The following ARMC10 variants were observed in gnomAD, a reference collection of about 807,000 sequenced individuals.
ARMC10 encodes the protein armadillo repeat-containing protein 10.
In ARMC10, 23 loss-of-function variants were observed where a neutral mutation model predicts 30.2. The observed-to-expected ratio is 0.76, with a 90% CI of 0.55 to 1.08. The LOEUF (loss-of-function observed/expected upper bound fraction) is 1.08. ARMC10 is among the 50% of genes least tolerant of loss of function. The pLI is 0.00. For missense variants in ARMC10, 303 were observed against 413.7 expected (o/e 0.73, Z 2.32); for synonymous variants, 111 against 164.4 (o/e 0.68, Z 2.48).
At chr7:103,078,481 C>T (rs1800093522) in intron 2 of ARMC10, among the ~76,000 whole-genome samples, 2 of 152,312 alleles carry the variant, frequency 1.3e-5, no homozygotes, top group South Asian at 4.1e-4. Flanking sequence ...GTGTTTGCTT[C>T]CCCTTCCACC....
intron 2 of ARMC10, among the ~76,000 whole-genome samples, chr7:103,080,570 T>C (rs1229955071): frequency 6.6e-6 from 1 of 151,596 alleles, no homozygotes; most frequent in Non-Finnish European, 1.5e-5. Context: ...ATGGTTTTTA[T>C]TAGAAATTCA....
At chr7:103,093,962 T>C (rs1214092058) in intron 5 of ARMC10, among the ~76,000 whole-genome samples, 1 of 152,252 alleles carries the variant, frequency 6.6e-6, no homozygotes, top group African/African-American at 2.4e-5. Context: ...ATTTCTAGGA[T>C]AGAAAATTTG....
chr7:103,092,414 G>A, intron 4 of ARMC10, 63 bp from the exon 5 acceptor site: 3 of 1,268,038 alleles, frequency 2.4e-6, no homozygotes, highest in Admixed American at 1.9e-5. Context: ...GTGCAGAAAA[G>A]TGGCTGTTCA....
chr7:103,085,837 C>T (rs1195826731), intron 3 of ARMC10, among the ~76,000 whole-genome samples: 2 of 151,912 alleles, frequency 1.3e-5, no homozygotes, highest in Admixed American at 6.6e-5. Flanking sequence ...CTGGTCTCTA[C>T]CTCCTCACCT....
At chr7:103,090,163 T>C (rs1198315395) in intron 4 of ARMC10, among the ~76,000 whole-genome samples, 1 of 152,208 alleles carries the variant, frequency 6.6e-6, no homozygotes, top group Non-Finnish European at 1.5e-5. Context: ...AGCTGGTCCA[T>C]TTGGTAATCT....
At chr7:103,088,592 T>C (rs1370435729) in intron 4 of ARMC10, 2 of 162,098 alleles carry the variant, frequency 1.2e-5, no homozygotes, top group Admixed American at 6.3e-5. Context: ...AAATGAATGT[T>C]AATTAAACAA....
Position 103,098,680 on chromosome 7 carries a change from A to G in ARMC10, c.*127A>G, listed in dbSNP as rs10233912. The G allele has an allele frequency of 1.4e-6, 2 of 1,437,932 alleles. No homozygotes were observed. Among genetic ancestry groups the G allele is most frequent in the Non-Finnish European group, 9.2e-7 (1 of 1,084,924 alleles). 89.1% of individuals were successfully genotyped at this position (1,437,932 alleles called of 1,614,324 possible). On this transcript the variant is annotated 3_prime_UTR_variant, in exon 7 of 7. Transcript: ENST00000323716. ...ATCACATTTTGTCATTAACACAGCTATAACTTGCCGTGGTTCTCAGATTTA... is the reference window on the plus strand; with the variant it reads ...ATCACATTTTGTCATTAACACAGCTGTAACTTGCCGTGGTTCTCAGATTTA...
intron 2 of ARMC10, 36 bp from the exon 3 acceptor site, chr7:103,083,646 T>A: frequency 6.3e-7 from 1 of 1,578,082 alleles, no homozygotes; most frequent in Non-Finnish European, 8.7e-7. Context: ...TCGTATTGAT[T>A]TTAGCTTAAC....
In ARMC10 at chr7:103,086,775, T is replaced by A; in HGVS notation, c.528+11T>A. ...CAAATCAAGATAAAGGTAAGTTGAC[T>A]GAAAATCACAAATGTATAAGGTTTT... On this transcript the variant is annotated intron_variant, in intron 4 of 6. Transcript: ENST00000323716. The A allele has an allele frequency of 6.3e-7, 1 of 1,587,164 alleles. No individual in the cohort carries two copies. The highest frequency in any genetic ancestry group is 8.5e-7 in the Non-Finnish European group (1 of 1,172,204).
intron 2 of ARMC10, chr7:103,082,934 C>A: frequency 2.6e-6 from 1 of 390,038 alleles, no homozygotes; most frequent in South Asian, 1.9e-5. Context: ...AGTCATCATG[C>A]CTTGTATAAA....
chr7:103,087,665 GA>G lies in ARMC10; in HGVS notation c.528+908del, dbSNP rs971341298. 8.8e-6 allele frequency: 5 copies of G among 570,356 alleles called. No individual in the cohort carries two copies. In the African/African-American group the frequency reaches 1.0e-4, roughly 12 times the overall value. The allele number at this position is 570,356 out of a possible 1,614,324, so 35.3% of individuals were successfully genotyped here. ...AGACAGGAGGATGTGCTCCTATGAA[GA>G]AAAAAACAACAAATAACCAAACTTT... is the stretch of plus-strand genomic sequence containing the variant. On this transcript the variant is annotated intron_variant, in intron 4 of 6. Transcript: ENST00000323716.
chr7:103,088,280 C>CA (rs1178918599), intron 4 of ARMC10, among the ~76,000 whole-genome samples: 3 of 152,064 alleles, frequency 2.0e-5, no homozygotes, highest in South Asian at 4.1e-4. Context: ...TATGGCTAAT[C>CA]AGAGACTAAA....
rs539927923 is a variant in ARMC10 at position 103,097,208 on chromosome 7, G to A, written c.706-69G>A. 2.3e-6 allele frequency: 3 copies of A among 1,304,684 alleles called. No individual in the cohort carries two copies. The Admixed American group carries it at 5.0e-5, about 22-fold the overall frequency. The allele number at this position is 1,304,684 out of a possible 1,614,324, so 80.8% of individuals were successfully genotyped here. On this transcript the variant is annotated intron_variant, in intron 5 of 6. Transcript: ENST00000323716. Reference sequence around the variant, plus strand: ...ACTTTAACAGGAAGACATGGTGAGAGAACAGCATGCCTGAGAGAGAAAATT... The same window carrying A: ...ACTTTAACAGGAAGACATGGTGAGAAAACAGCATGCCTGAGAGAGAAAATT...
chr7:103,091,719 G>A (rs1455978151), intron 4 of ARMC10, among the ~76,000 whole-genome samples: 7 of 152,130 alleles, frequency 4.6e-5, no homozygotes, highest in Non-Finnish European at 8.8e-5. Context: ...CCCAGTGTGC[G>A]CAGACCGCAG....
intron 3 of ARMC10, 53 bp from the exon 4 acceptor site, chr7:103,086,577 G>A (rs1800873558): frequency 3.2e-6 from 5 of 1,538,804 alleles, no homozygotes; most frequent in Non-Finnish European, 3.5e-6. Flanking sequence ...TCAGTGAACG[G>A]AGATGCATAC....
chr7:103,093,832 C>T (rs865902283), intron 5 of ARMC10, among the ~76,000 whole-genome samples: 6 of 152,226 alleles, frequency 3.9e-5, no homozygotes, highest in African/African-American at 1.4e-4. Flanking sequence ...ATATCTGTCT[C>T]AGACATCGTC....
intron 4 of ARMC10, chr7:103,089,114 GC>G: frequency 5.2e-6 from 1 of 191,064 alleles, no homozygotes. Context: ...TACCAACTGT[GC>G]CCAAAACCTT....
At chr7:103,076,319 G>C (rs1433522142) in intron 2 of ARMC10, among the ~76,000 whole-genome samples, 1 of 152,140 alleles carries the variant, frequency 6.6e-6, no homozygotes, top group East Asian at 1.9e-4. Context: ...CTGGTAATTG[G>C]GGTGGTTGTT....
intron 3 of ARMC10, among the ~76,000 whole-genome samples, chr7:103,084,494 G>A (rs373537968): frequency 2.6e-5 from 4 of 152,142 alleles, no homozygotes; most frequent in African/African-American, 9.7e-5. Context: ...CTCTATAAAC[G>A]TATAGGGAGA....
Sources: gnomAD v4.1 joint callset for allele counts (sites outside exome capture counted in the v4.1 genomes callset) on GRCh38, gnomAD v4.1.1 for gene constraint, MANE v1.5 for transcripts, NCBI Gene and HGNC (gene_info 2026-07-23, HGNC 2026-07-21) for gene names.